TENM3: variants seen among roughly 807,000 people sequenced by gnomAD.
TENM3 encodes teneurin-3.
In TENM3, 63 loss-of-function variants were observed where a neutral mutation model predicts 255.1. The ratio of observed to expected loss-of-function variants is 0.25; its 90% CI spans 0.20 to 0.30. The LOEUF (loss-of-function observed/expected upper bound fraction) is 0.30, where lower values mean the gene tolerates loss of function less well. Ranked by LOEUF, TENM3 falls within the 10% of genes least tolerant of loss-of-function variation. TENM3 has a pLI of 1.00. For missense variants in TENM3, 2,929 were observed against 3,461.1 expected, an observed-to-expected ratio of 0.85 and a Z score of 3.86; for synonymous variants, 1,306 against 1,322.3, an observed-to-expected ratio of 0.99 and a Z score of 0.27.
At chr4:181,989,744 C>G in the TENM3 span, among the ~76,000 whole-genome samples, 3 of 152,088 alleles carry the variant, frequency 2.0e-5, no homozygotes, top group Non-Finnish European at 4.4e-5. Flanking sequence ...TGCAGCTATT[C>G]GTATTAACTG....
At chr4:182,719,636 T>C (rs1373611362) in intron 13 of TENM3, among the ~76,000 whole-genome samples, 2 of 152,118 alleles carry the variant, frequency 1.3e-5, no homozygotes, top group Non-Finnish European at 2.9e-5. Context: ...CAGGCCATTT[T>C]TTCAAGCCTC....
intron 3 of TENM3, among the ~76,000 whole-genome samples, chr4:182,551,122 T>C (rs1741958828): frequency 6.6e-6 from 1 of 150,702 alleles, no homozygotes; most frequent in Admixed American, 6.6e-5. Context: ...CTCAGGAGAC[T>C]GAGGCAGGAG....
chr4:181,695,931 T>G, the TENM3 span, among the ~76,000 whole-genome samples: 5 of 152,248 alleles, frequency 3.3e-5, no homozygotes, highest in Admixed American at 3.3e-4. Context: ...AAGACTTTTT[T>G]TTTTTTAATT....
At chr4:182,073,981 C>T in the TENM3 span, among the ~76,000 whole-genome samples, 2 of 152,116 alleles carry the variant, frequency 1.3e-5, no homozygotes, top group African/African-American at 2.4e-5. Context: ...TGGCCTTTTC[C>T]AAATAGGATA....
At chr4:181,653,769 A>G in the TENM3 span, among the ~76,000 whole-genome samples, 2 of 150,104 alleles carry the variant, frequency 1.3e-5, no homozygotes, top group Admixed American at 6.7e-5. Flanking sequence ...ATAGGTATAC[A>G]TGTGCCATGG....
chr4:182,673,333 C>A, intron 7 of TENM3, 114 bp downstream of exon 7: 1 of 674,990 alleles, frequency 1.5e-6, no homozygotes, highest in South Asian at 2.1e-5. Context: ...TTTGAATCGA[C>A]TTTCTACAGT....
At chr4:182,153,865 T>A (rs966874051) in intron 1 of TENM3, among the ~76,000 whole-genome samples, 1 of 152,122 alleles carries the variant, frequency 6.6e-6, no homozygotes. Context: ...GTAAGACGTG[T>A]GGATTGGTTG....
chr4:182,201,344 T>A (rs926111326), intron 1 of TENM3, among the ~76,000 whole-genome samples: 1 of 152,168 alleles, frequency 6.6e-6, no homozygotes, highest in Non-Finnish European at 1.5e-5. Flanking sequence ...AATTCACTGA[T>A]AACAGTGGAG....
chr4:182,368,814 T>C (rs528452945), intron 3 of TENM3, among the ~76,000 whole-genome samples: 3 of 152,148 alleles, frequency 2.0e-5, no homozygotes, highest in Non-Finnish European at 4.4e-5. Context: ...GTGCAGCCCA[T>C]CTGTAGTTGA....
At chr4:181,736,907 T>C in the TENM3 span, among the ~76,000 whole-genome samples, 34 of 152,160 alleles carry the variant, frequency 2.2e-4, no homozygotes, top group East Asian at 1.4e-3. Context: ...TCTTGGCTGC[T>C]AGGAGGAGAA....
At chr4:182,012,305 C>G in the TENM3 span, among the ~76,000 whole-genome samples, 1 of 152,348 alleles carries the variant, frequency 6.6e-6, no homozygotes, top group South Asian at 2.1e-4. Context: ...CACTTTTCCT[C>G]TCCTGGGCTT....
chr4:182,187,138 G>A (rs965082068), intron 1 of TENM3, among the ~76,000 whole-genome samples: 2 of 151,784 alleles, frequency 1.3e-5, no homozygotes, highest in Non-Finnish European at 2.9e-5. Context: ...ACTTTGCAAA[G>A]TACATAAGAA....
At chr4:181,614,839 G>T in the TENM3 span, among the ~76,000 whole-genome samples, 2 of 152,188 alleles carry the variant, frequency 1.3e-5, no homozygotes, top group Non-Finnish European at 2.9e-5. Flanking sequence ...ATTTCCTCCA[G>T]GCTCATTTAA....
At chr4:182,124,970 A>G in the TENM3 span, among the ~76,000 whole-genome samples, 1 of 137,212 alleles carries the variant, frequency 7.3e-6, no homozygotes, top group African/African-American at 2.8e-5. Context: ...GAATCTTCCC[A>G]TTGCCCAGCG....
chr4:182,009,501 T>A, the TENM3 span, among the ~76,000 whole-genome samples: 7 of 152,166 alleles, frequency 4.6e-5, no homozygotes, highest in Non-Finnish European at 7.4e-5. Context: ...AGATGCACTC[T>A]GGCCACAGAC....
chr4:182,628,852 C>T lies in TENM3; in HGVS notation c.951C>T (p.Val317=), dbSNP rs192317402. The T allele has an allele frequency of 1.0e-4, 164 of 1,608,204 alleles. 3 individuals carry two copies. The South Asian group carries it at 1.7e-3, about 17-fold the overall frequency. Residue 317 remains valine, a synonymous_variant, in exon 5 of 28, where the codon GTC becomes GTT. Transcript: ENST00000511685. ...WKCTALCAVG[V]SVLLAILLSY... ...GCACTGCACTGTGTGCCGTAGGGGT[C>T]TCGGTGCTCCTGGCAATACTCCTGT...
chr4:182,554,862 C>T (rs1200861766), intron 3 of TENM3, among the ~76,000 whole-genome samples: 7 of 151,356 alleles, frequency 4.6e-5, no homozygotes, highest in African/African-American at 7.3e-5. Flanking sequence ...TACTTCTGTC[C>T]GTTTCCTTTT....
At chr4:181,533,744 A>G in the TENM3 span, among the ~76,000 whole-genome samples, 1 of 152,282 alleles carries the variant, frequency 6.6e-6, no homozygotes, top group Non-Finnish European at 1.5e-5. Context: ...ATTAAAAAAA[A>G]AAAAAACTTT....
intron 5 of TENM3, among the ~76,000 whole-genome samples, chr4:182,643,733 C>T (rs1752506380): frequency 6.6e-6 from 1 of 152,178 alleles, no homozygotes; most frequent in Admixed American, 6.5e-5. Flanking sequence ...ATTTTATTTT[C>T]TGCAACTTAA....
Sources: allele counts gnomAD v4.1 joint callset (sites outside exome capture counted in the v4.1 genomes callset), GRCh38; gene constraint gnomAD v4.1.1; transcripts MANE v1.5; gene names NCBI Gene and HGNC (gene_info 2026-07-23, HGNC 2026-07-21).